Variants in KCNIP4 observed in about 807,000 individuals in gnomAD.
KCNIP4 encodes Kv channel-interacting protein 4.
Under a neutral mutation model 34.0 loss-of-function variants are expected in KCNIP4, and 12 were observed. The ratio of observed to expected loss-of-function variants is 0.35; its 90% confidence interval spans 0.23 to 0.57. The LOEUF is 0.57. Among genes scored for constraint, KCNIP4 ranks in the 20% least tolerant of loss-of-function variants. KCNIP4 has a pLI of 0.83. For synonymous variants in KCNIP4, 124 were observed against 102.2 expected (o/e 1.21, Z -1.29); for missense variants, 238 against 311.7 (o/e 0.76, Z 1.78).
At chr4:21,331,071 T>C (rs1386530275) in intron 1 of KCNIP4, among the ~76,000 whole-genome samples, 1 of 152,202 alleles carries the variant, frequency 6.6e-6, no homozygotes, top group Non-Finnish European at 1.5e-5. Context: ...TGTTCATGTG[T>C]AAGACACTGT....
At chr4:21,356,850 C>G (rs1023259450) in intron 1 of KCNIP4, among the ~76,000 whole-genome samples, 1 of 152,040 alleles carries the variant, frequency 6.6e-6, no homozygotes, top group East Asian at 1.9e-4. Context: ...AAAGAGCCCG[C>G]ATAGCCAAGA....
chr4:20,950,189 C>T (rs13151383), intron 1 of KCNIP4, among the ~76,000 whole-genome samples: 113,713 of 150,446 alleles, frequency 0.76, 43,192 homozygotes, highest in East Asian at 0.84. Context: ...GAATACATGC[C>T]TTCCTTACCA....
chr4:21,630,687 A>G (rs1420812694), intron 1 of KCNIP4, among the ~76,000 whole-genome samples: 1 of 152,108 alleles, frequency 6.6e-6, no homozygotes, highest in Non-Finnish European at 1.5e-5. Context: ...ATGATTGAAA[A>G]CAAACACACT....
At chr4:21,575,898 A>G (rs1315763659) in intron 1 of KCNIP4, among the ~76,000 whole-genome samples, 1 of 152,218 alleles carries the variant, frequency 6.6e-6, no homozygotes, top group Non-Finnish European at 1.5e-5. Flanking sequence ...GACAACCCTT[A>G]GAATGGTCTT....
At chr4:21,109,542 C>G (rs1053762097) in intron 1 of KCNIP4, among the ~76,000 whole-genome samples, 15 of 152,204 alleles carry the variant, frequency 9.9e-5, no homozygotes, top group Non-Finnish European at 1.3e-4. Flanking sequence ...TTCCCTGACC[C>G]CTTGCGCTTC....
intron 1 of KCNIP4, among the ~76,000 whole-genome samples, chr4:21,330,481 A>G: frequency 6.6e-6 from 1 of 152,180 alleles, no homozygotes; most frequent in East Asian, 1.9e-4. Context: ...TAAACGTTGC[A>G]CCATCCACTT....
chr4:21,247,743 T>TATATATATATATATATAC (rs1553845671), intron 1 of KCNIP4, among the ~76,000 whole-genome samples: 6 of 120,466 alleles, frequency 5.0e-5, no homozygotes, highest in Non-Finnish European at 8.1e-5. Context: ...TGGATATATA[T>TATATATATATATATATAC]ATATATATAT....
intron 2 of KCNIP4, among the ~76,000 whole-genome samples, chr4:20,864,725 T>C (rs1357217660): frequency 6.6e-6 from 1 of 152,104 alleles, no homozygotes; most frequent in Non-Finnish European, 1.5e-5. Flanking sequence ...AAAGGGGTAT[T>C]GAGTCCAGCC....
rs144056228 is a variant in KCNIP4, at chr4:21,695,471, T to C, written c.61+253100A>G. 2.3e-3 allele frequency among the ~76,000 whole-genome samples: 347 copies of C among 151,816 alleles called. 3 individuals are homozygous for C. The highest frequency in any genetic ancestry group is 8.0e-3 in the African/African-American group (332 of 41,492). Reference sequence around the variant, plus strand: ...CTGTGGTTCAAAAAGAAGAAAGCAATCCCACTTACAGTGATTTCCAAATAC... The same window carrying C: ...CTGTGGTTCAAAAAGAAGAAAGCAACCCCACTTACAGTGATTTCCAAATAC... On this transcript the variant is annotated intron_variant, in intron 1 of 8. Transcript: ENST00000382152.
chr4:21,817,646 C>G (rs4285068), intron 1 of KCNIP4, among the ~76,000 whole-genome samples: 148,811 of 152,184 alleles, frequency 0.98, 72,849 homozygotes, highest in East Asian at 1. Context: ...GCATTCCTTG[C>G]GGGAGGTCTA....
chr4:21,781,152 G>A (rs908645515), intron 1 of KCNIP4, among the ~76,000 whole-genome samples: 1 of 152,074 alleles, frequency 6.6e-6, no homozygotes, highest in Non-Finnish European at 1.5e-5. Context: ...GGATCGTGGG[G>A]GTGGTTTCCC....
intron 1 of KCNIP4, among the ~76,000 whole-genome samples, chr4:21,360,024 C>CTCAT (rs1210178746): frequency 5.3e-5 from 8 of 152,094 alleles, no homozygotes; most frequent in Non-Finnish European, 1.0e-4. Context: ...GATCCATCTA[C>CTCAT]TCATTCATTC....
At chr4:21,529,605 T>C (rs1268986224) in intron 1 of KCNIP4, among the ~76,000 whole-genome samples, 1 of 152,204 alleles carries the variant, frequency 6.6e-6, no homozygotes, top group African/African-American at 2.4e-5. Flanking sequence ...GACCTCCTTC[T>C]ATCCTTGTTA....
Position 21,410,814 on chromosome 4 carries a change from A to G in KCNIP4, c.62-528105T>C, listed in dbSNP as rs76796924. On this transcript the variant is annotated intron_variant, in intron 1 of 8. Coordinates refer to ENST00000382152, the MANE Select transcript of KCNIP4 (RefSeq NM_025221.6). The stretch of plus-strand genomic sequence containing the variant: ...AAGCATGTTATTTAAGGAGAAATTT[A>G]TCCTATGTTTTCTGACCTTTCAGAT... Among the ~76,000 whole-genome samples, 846 of 152,328 alleles carry G rather than the reference A, an allele frequency of 5.6e-3. 10 individuals carry two copies. The highest frequency in any genetic ancestry group is 0.051 in the East Asian group (265 of 5,178).
At position 21,196,975 on chromosome 4, in the gene KCNIP4, A is replaced by C. The variant is rs182460783; in HGVS notation, c.62-314266T>G. ...CAATCTCTGCACCTTCTATGGGTAA[A>C]TATTATGCTGATATATCACCAAATT... On this transcript the variant is annotated intron_variant, in intron 1 of 8. Coordinates refer to ENST00000382152, the MANE Select transcript of KCNIP4 (RefSeq NM_025221.6). 8.5e-5 allele frequency among the ~76,000 whole-genome samples: 13 copies of C among 152,306 alleles called. No individual in the cohort carries two copies. In the East Asian group the frequency reaches 1.9e-3, roughly 23 times the overall value.
chr4:21,593,119 T>TTTGTGTG (rs1560543855), intron 1 of KCNIP4, among the ~76,000 whole-genome samples: 5,433 of 134,880 alleles, frequency 0.04, 256 homozygotes, highest in East Asian at 0.15. Flanking sequence ...GTGTGTGTGT[T>TTTGTGTG]TGTGTGTGTG....
intron 1 of KCNIP4, among the ~76,000 whole-genome samples, chr4:20,992,270 G>T (rs917585819): frequency 1.3e-5 from 2 of 152,112 alleles, no homozygotes; most frequent in Non-Finnish European, 2.9e-5. Context: ...TTCTTCACAG[G>T]GTGGCAGGAT....
chr4:21,947,147 C>G (rs1376271123), intron 1 of KCNIP4, among the ~76,000 whole-genome samples: 2 of 152,202 alleles, frequency 1.3e-5, no homozygotes, highest in African/African-American at 2.4e-5. Flanking sequence ...GCCCTCTACC[C>G]TGTTTATTCT....
At chr4:20,822,868 A>C (rs1717280385) in intron 3 of KCNIP4, among the ~76,000 whole-genome samples, 1 of 152,162 alleles carries the variant, frequency 6.6e-6, no homozygotes, top group Admixed American at 6.5e-5. Context: ...CCTCAGGAAT[A>C]GGGTTACTAC....
Sources: gnomAD v4.1 joint callset for allele counts (sites outside exome capture counted in the v4.1 genomes callset) on GRCh38, gnomAD v4.1.1 for gene constraint, MANE v1.5 for transcripts, NCBI Gene and HGNC (gene_info 2026-07-23, HGNC 2026-07-21) for gene names.